PBX4: variants seen among roughly 807,000 people sequenced by gnomAD.
PBX4 encodes the protein pre-B-cell leukemia transcription factor 4.
A neutral mutation model predicts 35.1 loss-of-function variants in PBX4; 26 were observed. The observed-to-expected ratio is 0.74, with a 90% CI of 0.54 to 1.03. The LOEUF (loss-of-function observed/expected upper bound fraction) is 1.03. Ranked by LOEUF, PBX4 falls within the 50% of genes least tolerant of loss-of-function variation. The pLI, the probability that PBX4 is intolerant of heterozygous loss-of-function variation, is 0.00. For missense variants in PBX4, 448 were observed against 504.3 expected (o/e 0.89, Z 1.07); for synonymous variants, 199 against 204.2 (o/e 0.97, Z 0.22).
chr19:19,570,089 G>C lies in PBX4; in HGVS notation c.632+20C>G, dbSNP rs571296364. ...CCTCAGAGCCGGCCCTTGAGGTTTT[G>C]GGTACGTACAGGCCCTGACCTGGCA... On this transcript the variant is annotated intron_variant, in intron 4 of 7. Transcript: ENST00000251203. 6.4e-7 allele frequency: 1 copy of C among 1,561,142 alleles called. No individual in the cohort carries two copies. Among genetic ancestry groups the C allele is most frequent in the African/African-American group, 1.4e-5 (1 of 73,862 alleles).
chr19:19,577,461 A>T (rs1381903271), intron 2 of PBX4, among the ~76,000 whole-genome samples: 2 of 152,188 alleles, frequency 1.3e-5, no homozygotes, highest in Non-Finnish European at 2.9e-5. Context: ...GATGTGCATG[A>T]GTTTGGGCAC....
At chr19:19,581,745 G>A (rs1324207579) in intron 2 of PBX4, among the ~76,000 whole-genome samples, 1 of 152,228 alleles carries the variant, frequency 6.6e-6, no homozygotes, top group Non-Finnish European at 1.5e-5. Context: ...GCCCAGGGGT[G>A]TCAGGAAGGC....
At chr19:19,596,385 TAAAC>T (rs768630578) in intron 2 of PBX4, among the ~76,000 whole-genome samples, 2 of 151,342 alleles carry the variant, frequency 1.3e-5, no homozygotes, top group African/African-American at 2.4e-5. Context: ...AATAAATAAA[TAAAC>T]AAACAAAAAT....
At position 19,586,879 on chromosome 19, in the gene PBX4, C is replaced by T. The variant is rs148858726; in HGVS notation, c.193+12413G>A. Among the ~76,000 whole-genome samples, 1,350 of 151,604 alleles carry T rather than the reference C, an allele frequency of 8.9e-3. 24 individuals are homozygous for T. Among genetic ancestry groups the T allele is most frequent in the African/African-American group, 0.031 (1,293 of 41,354 alleles). On this transcript the variant is annotated intron_variant, in intron 2 of 7. Coordinates refer to ENST00000251203, the MANE Select transcript of PBX4 (RefSeq NM_025245.3). ...CCAGGAGGTGAAGGTTACAGTGAGC[C>T]GAGATCGCGCCACTGTACTCCAGCA...
At chr19:19,574,513 C>A (rs1468960847) in intron 2 of PBX4, among the ~76,000 whole-genome samples, 1 of 152,198 alleles carries the variant, frequency 6.6e-6, no homozygotes, top group Non-Finnish European at 1.5e-5. Context: ...GGACCCTCCT[C>A]ACCGGCTCAC....
intron 2 of PBX4, among the ~76,000 whole-genome samples, chr19:19,597,967 C>T (rs1003156318): frequency 3.3e-5 from 5 of 152,116 alleles, no homozygotes; most frequent in South Asian, 2.1e-4. Flanking sequence ...TCAGACAAAC[C>T]GCACTGAGGG....
chr19:19,562,190 G>A lies in PBX4; in HGVS notation c.1033-73C>T. ...TGACTACCCAGCCCACGTGCTGCAG[G>A]CGGAGCCTCCAGGGGTCCCTGGGAA... On this transcript the variant is annotated intron_variant, in intron 7 of 7. Transcript: ENST00000251203. This position sits in a 1 kb window ranked among gnomAD's most constrained non-coding sequence, Gnocchi z 4.8. 1 of 1,190,518 alleles carries A rather than the reference G, an allele frequency of 8.4e-7. No individual in the cohort carries two copies. The highest frequency in any genetic ancestry group is 1.4e-5 in the South Asian group (1 of 69,458). The allele number at this position is 1,190,518 out of a possible 1,614,324, so 73.7% of individuals were successfully genotyped here.
rs181764603 is a variant in PBX4 at position 19,573,370 on chromosome 19, C to T, written c.194-2537G>A. Among the ~76,000 whole-genome samples the T allele has an allele frequency of 1.1e-3, 146 of 138,098 alleles. 2 individuals are homozygous for T. Among genetic ancestry groups the T allele is most frequent in the African/African-American group, 1.5e-3 (56 of 36,618 alleles). The allele number at this position is 138,098 out of a possible 152,430, so 90.6% of individuals were successfully genotyped here. A position where few individuals can be genotyped will look rare whatever the true frequency, so the allele number is the denominator to read the frequency against. On this transcript the variant is annotated intron_variant, in intron 2 of 7. Coordinates refer to ENST00000251203, the MANE Select transcript of PBX4 (RefSeq NM_025245.3). ...ACACACACACACACACACACACACA[C>T]ATATAGGATAGTGTCCCACCTTCTC...
chr19:19,598,174 G>A (rs1334741537), intron 2 of PBX4, among the ~76,000 whole-genome samples: 1 of 152,082 alleles, frequency 6.6e-6, no homozygotes, highest in African/African-American at 2.4e-5. Flanking sequence ...TGTACTCAGC[G>A]TAATTTCCTG....
intron 2 of PBX4, among the ~76,000 whole-genome samples, chr19:19,592,207 G>A (rs370611353): frequency 1.3e-5 from 2 of 152,146 alleles, no homozygotes; most frequent in African/African-American, 4.8e-5. Flanking sequence ...TAAATCCAAC[G>A]CTTTCGAATT....
intron 1 of PBX4, among the ~76,000 whole-genome samples, chr19:19,601,118 C>T (rs2061594947): frequency 6.6e-6 from 1 of 152,188 alleles, no homozygotes; most frequent in African/African-American, 2.4e-5. Flanking sequence ...GTGGCAGTTG[C>T]TCTGGGGCAA....
chr19:19,595,646 C>T (rs1381603179), intron 2 of PBX4, among the ~76,000 whole-genome samples: 1 of 151,930 alleles, frequency 6.6e-6, no homozygotes, highest in African/African-American at 2.4e-5. Context: ...AGGGGCATCA[C>T]AGCCCAGCAT....
Position 19,598,361 on chromosome 19 carries a change from G to T in PBX4, c.193+931C>A, listed in dbSNP as rs536112567. On this transcript the variant is annotated intron_variant, in intron 2 of 7. Coordinates refer to ENST00000251203, the MANE Select transcript of PBX4 (RefSeq NM_025245.3). ...TGCCCAGGCTGGAGTGCAATGGCGC[G>T]ATCTCGGCTCACTGCAACCTCCACC... Among the ~76,000 whole-genome samples, 26 of 145,702 alleles carry T rather than the reference G, an allele frequency of 1.8e-4. No homozygotes were observed. In the East Asian group the frequency reaches 3.2e-3, roughly 18 times the overall value.
At chr19:19,601,043 A>C (rs779187267) in intron 1 of PBX4, among the ~76,000 whole-genome samples, 8 of 152,162 alleles carry the variant, frequency 5.3e-5, no homozygotes, top group Non-Finnish European at 8.8e-5. Flanking sequence ...GTTTTTACAC[A>C]TGTGGCAGTT....
intron 2 of PBX4, among the ~76,000 whole-genome samples, chr19:19,595,388 G>A (rs977719260): frequency 2.0e-5 from 3 of 152,132 alleles, no homozygotes; most frequent in Admixed American, 1.3e-4. Flanking sequence ...CAGGGCCCCC[G>A]CTTGTCCAGC....
intron 6 of PBX4, among the ~76,000 whole-genome samples, chr19:19,564,360 T>C (rs1424472216): frequency 6.6e-6 from 1 of 151,856 alleles, no homozygotes; most frequent in Non-Finnish European, 1.5e-5. Context: ...CCATGGTGTA[T>C]ATGTGCCACA....
chr19:19,599,972 CAAA>C (rs1284339416), intron 1 of PBX4, among the ~76,000 whole-genome samples: 12 of 69,258 alleles, frequency 1.7e-4, no homozygotes, highest in Admixed American at 3.2e-4. Context: ...GACTCCATCT[CAAA>C]AAAAAAAAAA....
chr19:19,563,441 T>C lies in PBX4; in HGVS notation c.1032+68A>G. 7.6e-7 allele frequency: 1 copy of C among 1,307,882 alleles called. No individual in the cohort carries two copies. 81.0% of individuals were successfully genotyped at this position (1,307,882 alleles called of 1,614,324 possible). ...AGCTGCCCCAAGGCCGAGGGGTGGC[T>C]GACAAGACGACCCTTTCTGAGAACC... On this transcript the variant is annotated intron_variant, in intron 7 of 7. Coordinates refer to ENST00000251203, the MANE Select transcript of PBX4 (RefSeq NM_025245.3). This position sits in a 1 kb window ranked among gnomAD's most constrained non-coding sequence, Gnocchi z 5.1.
chr19:19,611,325 T>A (rs2061661628), intron 1 of PBX4, among the ~76,000 whole-genome samples: 1 of 152,030 alleles, frequency 6.6e-6, no homozygotes, highest in Admixed American at 6.6e-5. Context: ...GCAGAAATAT[T>A]GGAGGGACTA....
Sources: gnomAD v4.1 joint callset for allele counts (sites outside exome capture counted in the v4.1 genomes callset) on GRCh38, gnomAD v4.1.1 for gene constraint, Gnocchi (gnomAD v3.1) non-coding constraint, MANE v1.5 for transcripts, NCBI Gene and HGNC (gene_info 2026-07-23, HGNC 2026-07-21) for gene names.